Variants in RICTOR observed in about 807,000 individuals in gnomAD.
RICTOR encodes the protein RPTOR independent companion of MTOR complex 2.
In RICTOR, 49 loss-of-function variants were observed where a neutral mutation model predicts 214.9. The observed-to-expected ratio is 0.23, with a 90% CI of 0.18 to 0.29. RICTOR has a LOEUF of 0.29. Among genes scored for constraint, RICTOR ranks in the 10% least tolerant of loss-of-function variants. The pLI is 1.00. For missense variants in RICTOR, 1,625 were observed against 2,047.0 expected, an observed-to-expected ratio of 0.79 and a Z score of 3.98; for synonymous variants, 717 against 711.3, an observed-to-expected ratio of 1.01 and a Z score of -0.13.
chr5:38,945,372 T>C lies in RICTOR; in HGVS notation c.4633+119A>G. Reference sequence around the variant, plus strand: ...CATAACATAATTTGGCATATCAGTGTGCTGCAGCTCACCAGCTGGGAAACT... The same window carrying C: ...CATAACATAATTTGGCATATCAGTGCGCTGCAGCTCACCAGCTGGGAAACT... On this transcript the variant is annotated intron_variant, in intron 34 of 37. Coordinates refer to ENST00000357387, the MANE Select transcript of RICTOR (RefSeq NM_152756.5). The C allele has an allele frequency of 5.9e-6, 4 of 683,156 alleles. No homozygotes were observed. The East Asian group carries it at 1.1e-4, about 18-fold the overall frequency. The allele number at this position is 683,156 out of a possible 1,614,324, so 42.3% of individuals were successfully genotyped here. A position where few individuals can be genotyped will look rare whatever the true frequency, so the allele number is the denominator to read the frequency against.
intron 3 of RICTOR, among the ~76,000 whole-genome samples, chr5:39,012,446 A>G (rs1399558323): frequency 6.6e-6 from 1 of 152,176 alleles, no homozygotes; most frequent in Non-Finnish European, 1.5e-5. Flanking sequence ...TTGCAGCAGT[A>G]TGAGAATGGA....
intron 2 of RICTOR, among the ~76,000 whole-genome samples, chr5:39,047,062 T>TA (rs904407116): frequency 2.1e-4 from 32 of 151,528 alleles, no homozygotes; most frequent in African/African-American, 5.8e-4. Context: ...TAATTCATCT[T>TA]AAAAAAAAAC....
intron 2 of RICTOR, among the ~76,000 whole-genome samples, chr5:39,037,006 GA>G (rs1756761574): frequency 6.6e-6 from 1 of 152,052 alleles, no homozygotes; most frequent in Non-Finnish European, 1.5e-5. Flanking sequence ...CAAATCAACA[GA>G]ATATACATTC....
In RICTOR at chr5:38,940,614, A is replaced by G. The variant is rs1747459295; in HGVS notation, c.*1690T>C. 1 of 232,736 alleles carries G rather than the reference A, an allele frequency of 4.3e-6. No individual in the cohort carries two copies. The highest frequency in any genetic ancestry group is 2.2e-5 in the African/African-American group (1 of 45,332). 14.4% of individuals were successfully genotyped at this position (232,736 alleles called of 1,614,324 possible). A position where few individuals can be genotyped will look rare whatever the true frequency, so the allele number is the denominator to read the frequency against. On this transcript the variant is annotated 3_prime_UTR_variant, in exon 38 of 38. Coordinates refer to ENST00000357387, the MANE Select transcript of RICTOR (RefSeq NM_152756.5). Reference sequence around the variant, plus strand: ...AAAATCTGAAGAACCACTTTTCAACATAAGCAGCAGCTTACAGCCCTTATC... The same window carrying G: ...AAAATCTGAAGAACCACTTTTCAACGTAAGCAGCAGCTTACAGCCCTTATC...
intron 2 of RICTOR, among the ~76,000 whole-genome samples, chr5:39,051,070 TAC>T (rs367801019): frequency 9.1e-5 from 12 of 132,292 alleles, no homozygotes; most frequent in Non-Finnish European, 1.2e-4. Flanking sequence ...CACACGCACC[TAC>T]ACACACACAC....
At chr5:39,036,178 A>C (rs1356812445) in intron 2 of RICTOR, among the ~76,000 whole-genome samples, 1 of 152,246 alleles carries the variant, frequency 6.6e-6, no homozygotes, top group Non-Finnish European at 1.5e-5. Flanking sequence ...TCTAAAAGAA[A>C]AGAATATTCA....
intron 2 of RICTOR, among the ~76,000 whole-genome samples, chr5:39,035,104 G>A (rs1381982575): frequency 1.3e-5 from 2 of 152,210 alleles, no homozygotes; most frequent in Non-Finnish European, 2.9e-5. Context: ...CACACGGCCA[G>A]GTACCCCTCT....
At chr5:39,028,014 A>G (rs1237126204) in intron 2 of RICTOR, among the ~76,000 whole-genome samples, 1 of 151,272 alleles carries the variant, frequency 6.6e-6, no homozygotes, top group Non-Finnish European at 1.5e-5. Context: ...GCAAAAGAGG[A>G]TAAGAGGCCA....
intron 2 of RICTOR, among the ~76,000 whole-genome samples, chr5:39,058,357 A>C (rs1226797295): frequency 6.6e-6 from 1 of 152,096 alleles, no homozygotes; most frequent in Non-Finnish European, 1.5e-5. Flanking sequence ...AAGCAATGAG[A>C]GAAACAAAAA....
At chr5:38,978,929 G>C (rs535318148) in intron 8 of RICTOR, among the ~76,000 whole-genome samples, 12 of 152,060 alleles carry the variant, frequency 7.9e-5, no homozygotes, top group African/African-American at 2.9e-4. Context: ...AAACATTATA[G>C]GCATCCTCAA....
chr5:39,039,125 C>T (rs929672209), intron 2 of RICTOR, among the ~76,000 whole-genome samples: 11 of 152,028 alleles, frequency 7.2e-5, no homozygotes, highest in African/African-American at 2.4e-4. Context: ...GAGATATAGA[C>T]CAATGGAACA....
At chr5:39,063,661 T>TA (rs950108731) in intron 2 of RICTOR, among the ~76,000 whole-genome samples, 2 of 152,126 alleles carry the variant, frequency 1.3e-5, no homozygotes, top group South Asian at 2.1e-4. Flanking sequence ...TGTACACTGA[T>TA]AGAGCTATAT....
In RICTOR at chr5:39,005,960, C is replaced by G. The variant is rs73751834; in HGVS notation, c.196-2338G>C. Among the ~76,000 whole-genome samples the G allele has an allele frequency of 5.6e-3, 856 of 152,316 alleles. 8 individuals are homozygous for G. The highest frequency in any genetic ancestry group is 0.019 in the African/African-American group (771 of 41,568). On this transcript the variant is annotated intron_variant, in intron 3 of 37. Coordinates refer to ENST00000357387, the MANE Select transcript of RICTOR (RefSeq NM_152756.5). ...ATTCCTGATTTTCAAAGATTTTCTA[C>G]TTAGGTTTTAAGTTTCTCATCCCAG... is the stretch of plus-strand genomic sequence containing the variant.
chr5:38,979,811 G>A (rs533150328), intron 8 of RICTOR, among the ~76,000 whole-genome samples: 2 of 152,282 alleles, frequency 1.3e-5, no homozygotes, highest in East Asian at 1.9e-4. Flanking sequence ...AGCTTTATCA[G>A]TTTTAGAAAC....
intron 5 of RICTOR, among the ~76,000 whole-genome samples, chr5:38,999,607 T>C (rs577967650): frequency 2.0e-5 from 3 of 152,108 alleles, no homozygotes; most frequent in Admixed American, 2.0e-4. Context: ...ATATTGTTAT[T>C]TCAAAAGAAG....
chr5:38,993,708 T>C (rs994239093), intron 6 of RICTOR, among the ~76,000 whole-genome samples: 3 of 152,022 alleles, frequency 2.0e-5, no homozygotes, highest in African/African-American at 7.2e-5. Context: ...AATTATAATA[T>C]TAAATATTAA....
chr5:38,986,062 GGT>G (rs990410690), intron 7 of RICTOR, among the ~76,000 whole-genome samples: 1 of 152,086 alleles, frequency 6.6e-6, no homozygotes, highest in Non-Finnish European at 1.5e-5. Context: ...AGAATGATTT[GGT>G]TTGGCTCTGT....
chr5:39,043,446 T>C (rs1757297018), intron 2 of RICTOR, among the ~76,000 whole-genome samples: 3 of 152,052 alleles, frequency 2.0e-5, no homozygotes, highest in Admixed American at 6.6e-5. Context: ...ATCTCAGAAG[T>C]ACAGAGTAGA....
chr5:39,070,122 G>A (rs192941587), intron 2 of RICTOR, among the ~76,000 whole-genome samples: 3 of 152,270 alleles, frequency 2.0e-5, no homozygotes, highest in Admixed American at 6.5e-5. Flanking sequence ...CTAACTGAAT[G>A]ATTAAACAAA....
Sources: gnomAD v4.1 joint callset for allele counts (sites outside exome capture counted in the v4.1 genomes callset) on GRCh38, gnomAD v4.1.1 for gene constraint, MANE v1.5 for transcripts, NCBI Gene and HGNC (gene_info 2026-07-23, HGNC 2026-07-21) for gene names.